Variants in FHIP2A observed in about 807,000 individuals in gnomAD.
FHIP2A encodes the protein family with sequence similarity 160 member B1.
In FHIP2A, 46 loss-of-function variants were observed where a neutral mutation model predicts 93.5. The ratio of observed to expected loss-of-function variants is 0.49; its 90% CI spans 0.39 to 0.63. The LOEUF (loss-of-function observed/expected upper bound fraction) is 0.63. Ranked by LOEUF, FHIP2A falls within the 20% of genes least tolerant of loss-of-function variation. FHIP2A has a pLI of 0.00. For synonymous variants in FHIP2A, 332 were observed against 326.5 expected (o/e 1.02, Z -0.18); for missense variants, 769 against 909.7 (o/e 0.85, Z 1.99).
rs1324325230 is a variant in FHIP2A at position 114,861,818 on chromosome 10, A to T, written c.*278A>T. 1 of 1,071,380 alleles carries T rather than the reference A, an allele frequency of 9.3e-7. No homozygotes were observed. The highest frequency in any genetic ancestry group is 1.7e-5 in the African/African-American group (1 of 59,746). The allele number at this position is 1,071,380 out of a possible 1,614,324, so 66.4% of individuals were successfully genotyped here. A position where few individuals can be genotyped will look rare whatever the true frequency, so the allele number is the denominator to read the frequency against. On this transcript the variant is annotated 3_prime_UTR_variant, in exon 17 of 17. Transcript: ENST00000369248. ...GAACTTCAGGAAATAAGCATTTCTA[A>T]TGACTGTGAAAAGCTGCAATATTTC...
At chr10:114,881,134 C>A (rs961961918) in intron 16 of FHIP2A, among the ~76,000 whole-genome samples, 1 of 152,216 alleles carries the variant, frequency 6.6e-6, no homozygotes, top group African/African-American at 2.4e-5. Context: ...AACATGCCTG[C>A]AAGTTCTCCC....
intron 16 of FHIP2A, among the ~76,000 whole-genome samples, chr10:114,891,953 A>G (rs949702419): frequency 1.3e-5 from 2 of 152,162 alleles, no homozygotes; most frequent in African/African-American, 4.8e-5. Flanking sequence ...TCTAACAACC[A>G]TATATGAAAA....
chr10:114,875,884 G>T (rs1361893538), intron 16 of FHIP2A, among the ~76,000 whole-genome samples: 5 of 78,004 alleles, frequency 6.4e-5, no homozygotes, highest in African/African-American at 2.6e-4. Flanking sequence ...AGAAAGAAAA[G>T]AAAGAGAGAG....
intron 14 of FHIP2A, among the ~76,000 whole-genome samples, chr10:114,859,807 A>G (rs7923693): frequency 0.53 from 80,330 of 151,952 alleles, 21,581 homozygotes; most frequent in African/African-American, 0.62. Flanking sequence ...AGTTGTTTGG[A>G]GAAAGTTAAT....
At chr10:114,860,465 G>C (rs2083790871) in intron 14 of FHIP2A, among the ~76,000 whole-genome samples, 1 of 152,040 alleles carries the variant, frequency 6.6e-6, no homozygotes, top group African/African-American at 2.4e-5. Flanking sequence ...CAGTTCTCTT[G>C]CCTCAGCCTC....
chr10:114,857,014 C>A (rs1360254623), intron 14 of FHIP2A, among the ~76,000 whole-genome samples: 2 of 152,004 alleles, frequency 1.3e-5, no homozygotes, highest in Non-Finnish European at 2.9e-5. Flanking sequence ...TTGCTTGACC[C>A]CAGGAGTTCA....
At chr10:114,832,964 T>A (rs1024414597) in intron 2 of FHIP2A, among the ~76,000 whole-genome samples, 1 of 152,266 alleles carries the variant, frequency 6.6e-6, no homozygotes, top group Non-Finnish European at 1.5e-5. Flanking sequence ...TCCACCTGCC[T>A]CGGCCTCCCA....
chr10:114,827,052 C>T (rs1234561840), intron 1 of FHIP2A, among the ~76,000 whole-genome samples: 2 of 152,142 alleles, frequency 1.3e-5, no homozygotes, highest in Non-Finnish European at 2.9e-5. Context: ...ACAGTAAAAG[C>T]AGAGGTGGCT....
chr10:114,879,412 AAATGC>A (rs56956646), intron 16 of FHIP2A, among the ~76,000 whole-genome samples: 61,833 of 151,650 alleles, frequency 0.41, 12,675 homozygotes, highest in South Asian at 0.46. Context: ...CTCATCTAAA[AAATGC>A]AATTATACCA....
rs374029131 is a variant in FHIP2A at position 114,861,846 on chromosome 10, A to G, written c.*306A>G. The G allele has an allele frequency of 6.0e-5, 62 of 1,028,578 alleles. No individual in the cohort carries two copies. In the East Asian group the frequency reaches 1.9e-3, roughly 32 times the overall value. 63.7% of individuals were successfully genotyped at this position (1,028,578 alleles called of 1,614,324 possible). ...ACTGTGAAAAGCTGCAATATTTCCAATGTCATGACTTTGATGATATTTCTG... is the reference window on the plus strand; with the variant it reads ...ACTGTGAAAAGCTGCAATATTTCCAGTGTCATGACTTTGATGATATTTCTG... On this transcript the variant is annotated 3_prime_UTR_variant, in exon 17 of 17. Transcript: ENST00000369248.
At chr10:114,889,236 C>G (rs1022516348) in intron 16 of FHIP2A, among the ~76,000 whole-genome samples, 3 of 152,070 alleles carry the variant, frequency 2.0e-5, no homozygotes, top group African/African-American at 7.2e-5. Context: ...GATGGAGAAT[C>G]AGCAAAGAAA....
intron 5 of FHIP2A, among the ~76,000 whole-genome samples, chr10:114,840,984 A>G (rs1050736798): frequency 6.6e-6 from 1 of 152,176 alleles, no homozygotes; most frequent in African/African-American, 2.4e-5. Context: ...GTAGGAACCA[A>G]AGTGTTAAAG....
Position 114,830,923 on chromosome 10 carries a change from G to C in FHIP2A, c.117G>C (p.Glu39Asp). The change falls in exon 2 of 17, where the codon GAG becomes GAC. Residue 39 changes from glutamate to aspartate, a missense_variant. Physicochemically the swap from Glu to Asp is conservative, Grantham distance 45. Transcript: ENST00000369248. ...AGGCAATTACCCATTACTACATAGAGACTTCAGGTAAGGAACAATGCTGAT... is the reference window on the plus strand; with the variant it reads ...AGGCAATTACCCATTACTACATAGACACTTCAGGTAAGGAACAATGCTGAT... Reference protein sequence around the residue: ...HWKAITHYYIETSDDKAPVTD... With the variant: ...HWKAITHYYIDTSDDKAPVTD... 1 of 1,589,436 alleles carries C rather than the reference G, an allele frequency of 6.3e-7. No homozygotes were observed. The highest frequency in any genetic ancestry group is 8.6e-7 in the Non-Finnish European group (1 of 1,165,326).
At chr10:114,842,848 A>G in intron 5 of FHIP2A, 85 bp from the exon 6 acceptor site, 1 of 872,414 alleles carries the variant, frequency 1.1e-6, no homozygotes, top group Non-Finnish European at 1.8e-6. Context: ...GGCATGTGGA[A>G]TGTTATAGAA....
At chr10:114,875,622 G>A (rs2083881116) in intron 16 of FHIP2A, among the ~76,000 whole-genome samples, 1 of 152,102 alleles carries the variant, frequency 6.6e-6, no homozygotes, top group African/African-American at 2.4e-5. Context: ...TGTGAACCCA[G>A]GAGCGGAGGT....
chr10:114,898,771 T>G (rs972770934), intron 16 of FHIP2A, among the ~76,000 whole-genome samples: 2 of 152,236 alleles, frequency 1.3e-5, no homozygotes, highest in African/African-American at 2.4e-5. Flanking sequence ...ACAGGGTTAT[T>G]ATGATGCTTA....
At chr10:114,889,303 C>T (rs753674168) in intron 16 of FHIP2A, among the ~76,000 whole-genome samples, 2 of 152,064 alleles carry the variant, frequency 1.3e-5, no homozygotes, top group South Asian at 2.1e-4. Context: ...GCTTGTTCTC[C>T]GCCTCTGCAT....
intron 16 of FHIP2A, among the ~76,000 whole-genome samples, chr10:114,895,402 G>A (rs1440536456): frequency 1.3e-5 from 2 of 152,172 alleles, no homozygotes; most frequent in Non-Finnish European, 1.5e-5. Context: ...TCACCCCATC[G>A]CTGCCTGGGT....
At chr10:114,850,953 A>G (rs1469697177) in intron 13 of FHIP2A, among the ~76,000 whole-genome samples, 3 of 152,162 alleles carry the variant, frequency 2.0e-5, no homozygotes, top group African/African-American at 7.2e-5. Context: ...GCGCTCTGTC[A>G]TCCAGGCGGG....
Sources: gnomAD v4.1 joint callset for allele counts (sites outside exome capture counted in the v4.1 genomes callset) on GRCh38, gnomAD v4.1.1 for gene constraint, MANE v1.5 for transcripts, NCBI Gene and HGNC (gene_info 2026-07-23, HGNC 2026-07-21) for gene names.